MARCHF11: variants seen among roughly 807,000 people sequenced by gnomAD.
MARCHF11 encodes membrane associated ring-CH-type finger 11.
Under a neutral mutation model 37.3 loss-of-function variants are expected in MARCHF11, and 29 were observed. That is an observed-to-expected ratio of 0.78 (90% CI 0.58 to 1.06). MARCHF11 has a LOEUF of 1.06. MARCHF11 is among the 50% of genes least tolerant of loss of function. The pLI, the probability that MARCHF11 is intolerant of heterozygous loss-of-function variation, is 0.00. For missense variants in MARCHF11, 482 were observed against 533.4 expected, an observed-to-expected ratio of 0.90 and a Z score of 0.95; for synonymous variants, 233 against 228.0, an observed-to-expected ratio of 1.02 and a Z score of -0.20.
chr5:16,142,884 CTTTTTTTTTTTTTTT>C (rs61225598), intron 2 of MARCHF11, among the ~76,000 whole-genome samples: 6 of 52,214 alleles, frequency 1.1e-4, no homozygotes, highest in Non-Finnish European at 1.5e-4. Context: ...CCACACCTGG[CTTTTTTTTTTTTTTT>C]TTTTTTTTTT....
At chr5:16,070,320 A>G (rs922151453) in intron 3 of MARCHF11, among the ~76,000 whole-genome samples, 2 of 152,224 alleles carry the variant, frequency 1.3e-5, no homozygotes, top group African/African-American at 4.8e-5. Flanking sequence ...GTATAAAAAT[A>G]AATTGGAATT....
chr5:16,172,722 A>G (rs1738290845), intron 2 of MARCHF11, among the ~76,000 whole-genome samples: 1 of 152,150 alleles, frequency 6.6e-6, no homozygotes, highest in Admixed American at 6.5e-5. Context: ...CCTACTAACA[A>G]TCAGTTCTGA....
chr5:16,165,465 T>A, intron 2 of MARCHF11, among the ~76,000 whole-genome samples: 1 of 152,090 alleles, frequency 6.6e-6, no homozygotes, highest in East Asian at 1.9e-4. Context: ...CTTTCCAAGA[T>A]CCTATATCCA....
At chr5:16,073,991 T>G (rs1447963832) in intron 3 of MARCHF11, among the ~76,000 whole-genome samples, 3 of 152,172 alleles carry the variant, frequency 2.0e-5, no homozygotes, top group African/African-American at 7.2e-5. Flanking sequence ...ATAGACCATA[T>G]GATAGGCCAC....
At chr5:16,177,632 G>T in intron 2 of MARCHF11, 94 bp downstream of exon 2, 1 of 1,035,692 alleles carries the variant, frequency 9.7e-7, no homozygotes, top group Non-Finnish European at 1.3e-6. Context: ...ATGTTTTTAA[G>T]TAGCATAAGT....
At chr5:16,095,309 G>A (rs1372023407) in intron 2 of MARCHF11, among the ~76,000 whole-genome samples, 2 of 152,070 alleles carry the variant, frequency 1.3e-5, no homozygotes, top group Non-Finnish European at 2.9e-5. Context: ...AGCTTCAGCG[G>A]GGAGGGCTAA....
intron 2 of MARCHF11, among the ~76,000 whole-genome samples, chr5:16,114,836 T>G (rs1737203843): frequency 6.6e-6 from 1 of 152,068 alleles, no homozygotes; most frequent in African/African-American, 2.4e-5. Context: ...CCATAATTAT[T>G]AATATAGAAT....
intron 3 of MARCHF11, among the ~76,000 whole-genome samples, chr5:16,076,615 G>A (rs1736522324): frequency 6.6e-6 from 1 of 152,164 alleles, no homozygotes; most frequent in Admixed American, 6.5e-5. Context: ...AACATCAAGA[G>A]CCTGGTGGAC....
chr5:16,078,627 T>C (rs1466362753), intron 3 of MARCHF11, among the ~76,000 whole-genome samples: 3 of 152,126 alleles, frequency 2.0e-5, no homozygotes, highest in African/African-American at 7.2e-5. Flanking sequence ...ATAGTACAAA[T>C]CCAACAGTTC....
chr5:16,160,933 C>T (rs1738065603), intron 2 of MARCHF11, among the ~76,000 whole-genome samples: 1 of 151,984 alleles, frequency 6.6e-6, no homozygotes, highest in African/African-American at 2.4e-5. Flanking sequence ...CAGAGTTGCA[C>T]AGTAAAGCTC....
chr5:16,067,239 T>G lies in MARCHF11; in HGVS notation c.*232A>C. 1 of 431,952 alleles carries G rather than the reference T, an allele frequency of 2.3e-6. No homozygotes were observed. Among genetic ancestry groups the G allele is most frequent in the East Asian group, 3.6e-5 (1 of 27,610 alleles). 26.8% of individuals were successfully genotyped at this position (431,952 alleles called of 1,614,324 possible). ...TTTAACCAAGTATAGTTAAATTATA[T>G]GTATAATGATTTCAAGTACCAACTT... On this transcript the variant is annotated 3_prime_UTR_variant, in exon 4 of 4. Transcript: ENST00000332432.
rs1560973120 is a variant in MARCHF11 at position 16,095,487 on chromosome 5, AGGGAGGG to A, written c.694-4413_694-4407del. On this transcript the variant is annotated intron_variant, in intron 2 of 3. Coordinates refer to ENST00000332432, the MANE Select transcript of MARCHF11 (RefSeq NM_001102562.3). The stretch of plus-strand genomic sequence containing the variant: ...AGGGAAGGAAGGAAGGAAGGAAGGG[AGGGAGGG>A]AGGGAGGGAGGGAGATCCCTCAATT... 2.9e-4 allele frequency among the ~76,000 whole-genome samples: 11 copies of A among 38,422 alleles called. No individual in the cohort carries two copies. In the South Asian group the frequency reaches 5.4e-3, roughly 19 times the overall value. 25.2% of individuals were successfully genotyped at this position (38,422 alleles called of 152,430 possible). A position where few individuals can be genotyped will look rare whatever the true frequency, so the allele number is the denominator to read the frequency against.
intron 2 of MARCHF11, among the ~76,000 whole-genome samples, chr5:16,135,882 A>T (rs1264011638): frequency 1.7e-4 from 11 of 66,374 alleles, no homozygotes; most frequent in African/African-American, 4.5e-4. Context: ...AAGAGATTTA[A>T]AAAAAAAAAA....
chr5:16,126,868 G>A (rs752257545), intron 2 of MARCHF11, among the ~76,000 whole-genome samples: 10 of 152,070 alleles, frequency 6.6e-5, no homozygotes, highest in Non-Finnish European at 1.5e-4. Flanking sequence ...ACCATTACTA[G>A]GTGTTAACAT....
intron 3 of MARCHF11, among the ~76,000 whole-genome samples, chr5:16,079,268 C>T (rs1381580045): frequency 6.6e-6 from 1 of 152,178 alleles, no homozygotes; most frequent in African/African-American, 2.4e-5. Flanking sequence ...CCAATGCCTC[C>T]CACTCACCCA....
intron 2 of MARCHF11, among the ~76,000 whole-genome samples, chr5:16,173,592 G>T (rs1054538371): frequency 3.9e-5 from 6 of 152,146 alleles, no homozygotes; most frequent in African/African-American, 1.4e-4. Context: ...CAACTGATTT[G>T]CTCAGAAACT....
chr5:16,109,263 G>A (rs1263985133), intron 2 of MARCHF11, among the ~76,000 whole-genome samples: 1 of 152,060 alleles, frequency 6.6e-6, no homozygotes, highest in Non-Finnish European at 1.5e-5. Context: ...TCAGGATGGG[G>A]GTTGGTTGCC....
intron 2 of MARCHF11, among the ~76,000 whole-genome samples, chr5:16,102,075 T>C (rs904819439): frequency 6.6e-6 from 1 of 152,170 alleles, no homozygotes; most frequent in Non-Finnish European, 1.5e-5. Flanking sequence ...TAAAATGACA[T>C]TTGGTATATC....
At chr5:16,079,814 A>G (rs1448965898) in intron 3 of MARCHF11, among the ~76,000 whole-genome samples, 1 of 152,168 alleles carries the variant, frequency 6.6e-6, no homozygotes, top group Non-Finnish European at 1.5e-5. Flanking sequence ...TCATTCTCTC[A>G]GAGCAGAATA....
Sources: allele counts gnomAD v4.1 joint callset (sites outside exome capture counted in the v4.1 genomes callset), GRCh38; gene constraint gnomAD v4.1.1; transcripts MANE v1.5; gene names NCBI Gene and HGNC (gene_info 2026-07-23, HGNC 2026-07-21).